The following AP3D1 variants were observed in gnomAD, a reference collection of about 807,000 sequenced individuals.
AP3D1 encodes adaptor related protein complex 3 subunit delta 1.
AP3D1 carries 51 observed loss-of-function variants against 147.6 expected under a neutral mutation model. The observed-to-expected ratio is 0.35, with a 90% confidence interval of 0.28 to 0.44. The LOEUF (loss-of-function observed/expected upper bound fraction) is 0.44. AP3D1 is among the 20% of genes least tolerant of loss of function. The probability of loss-of-function intolerance (pLI) is 1.00; values close to 1 mark genes in which losing one functional copy is unlikely to be tolerated. For synonymous variants in AP3D1, 760 were observed against 663.0 expected (o/e 1.15, Z -2.25); for missense variants, 1,421 against 1,624.2 (o/e 0.87, Z 2.15).
At chr19:2,113,127 C>T (rs990595222) in intron 23 of AP3D1, 160 bp from the exon 24 acceptor site, 1 of 634,198 alleles carries the variant, frequency 1.6e-6, no homozygotes, top group Non-Finnish European at 2.7e-6. Context: ...AGCACAGAGG[C>T]CCTGGCTGTC....
intron 1 of AP3D1, among the ~76,000 whole-genome samples, chr19:2,150,784 C>G (rs1238031997): frequency 1.3e-5 from 2 of 152,022 alleles, no homozygotes; most frequent in African/African-American, 2.4e-5. Flanking sequence ...GCCCGGGCCC[C>G]TGCATTTTTA....
chr19:2,148,090 T>C (rs2019407820), intron 1 of AP3D1, among the ~76,000 whole-genome samples: 1 of 140,300 alleles, frequency 7.1e-6, no homozygotes, highest in African/African-American at 2.7e-5. Flanking sequence ...CAGCTTGCAG[T>C]GAGCCCAGAT....
At chr19:2,129,247 G>A in intron 7 of AP3D1, 71 bp downstream of exon 7, 2 of 1,596,570 alleles carry the variant, frequency 1.3e-6, no homozygotes, top group Non-Finnish European at 1.7e-6. Context: ...TCACCCGCAG[G>A]GAATGCCCCA....
In AP3D1 at chr19:2,117,243, T is replaced by C; in HGVS notation, c.1838A>G (p.Lys613Arg). The change falls in exon 16 of 32, where the codon AAG (lysine) becomes AGG (arginine). Residue 613 changes from lysine (K) to arginine (R), a missense_variant. Physicochemically the swap from Lys to Arg is conservative, Grantham distance 26. This residue lies in a region of AP3D1 where 791 missense variants were observed against 761.4 expected (regional missense o/e 1.04). Transcript: ENST00000643116. ...ELNPVAPKAQ[K>R]KVPVPEGLDL... ...TTACCCTTCGGGGACTGGAACCTTCTTCTGGGCCTTGGGGGCCACTGGGTT... is the reference window on the plus strand; with the variant it reads ...TTACCCTTCGGGGACTGGAACCTTCCTCTGGGCCTTGGGGGCCACTGGGTT... 1 of 1,611,376 alleles carries C rather than the reference T, an allele frequency of 6.2e-7. No individual in the cohort carries two copies. Among genetic ancestry groups the C allele is most frequent in the South Asian group, 1.1e-5 (1 of 90,820 alleles).
intron 1 of AP3D1, among the ~76,000 whole-genome samples, chr19:2,162,032 A>AG (rs1423301749): frequency 7.0e-6 from 1 of 143,114 alleles, no homozygotes; most frequent in Non-Finnish European, 1.5e-5. Flanking sequence ...AAGCCCATTG[A>AG]GTTTTTTTTT....
chr19:2,162,227 G>A (rs994636777), intron 1 of AP3D1, among the ~76,000 whole-genome samples: 4 of 150,362 alleles, frequency 2.7e-5, no homozygotes, highest in East Asian at 2.0e-4. Context: ...TAGTAGAGAC[G>A]GGGTTTCACC....
chr19:2,127,603 C>T (rs1194836946), intron 8 of AP3D1, among the ~76,000 whole-genome samples: 8 of 152,214 alleles, frequency 5.3e-5, no homozygotes, highest in South Asian at 2.1e-4. Context: ...CGGCTCACTG[C>T]GACCTCCGCC....
intron 29 of AP3D1, 106 bp from the exon 30 acceptor site, chr19:2,109,313 C>G: frequency 7.0e-7 from 1 of 1,424,318 alleles, no homozygotes; most frequent in Non-Finnish European, 9.3e-7. Flanking sequence ...GGACACCCTC[C>G]TGTGTGTCTG....
At chr19:2,144,731 C>T (rs139569648) in intron 1 of AP3D1, among the ~76,000 whole-genome samples, 49 of 152,172 alleles carry the variant, frequency 3.2e-4, no homozygotes, top group African/African-American at 1.1e-3. Context: ...GGTGAAACAC[C>T]GTCTCCACTA....
intron 8 of AP3D1, among the ~76,000 whole-genome samples, chr19:2,128,591 G>A (rs1482740687): frequency 0.14 from 1,193 of 8,776 alleles, 329 homozygotes; most frequent in Non-Finnish European, 0.2. Flanking sequence ...GCCCGCCCCC[G>A]CCGCTCCGAC....
intron 24 of AP3D1, chr19:2,112,164 A>C: frequency 2.7e-6 from 1 of 369,566 alleles, no homozygotes; most frequent in Non-Finnish European, 5.1e-6. Flanking sequence ...GAACACACAC[A>C]TCCACGCGCA....
chr19:2,158,021 C>G (rs1435663157), intron 1 of AP3D1, among the ~76,000 whole-genome samples: 1 of 152,018 alleles, frequency 6.6e-6, no homozygotes, highest in African/African-American at 2.4e-5. Context: ...CCCACATGTG[C>G]TCTTTTTTTT....
At chr19:2,125,999 T>C (rs1289829481) in intron 9 of AP3D1, among the ~76,000 whole-genome samples, 5 of 151,922 alleles carry the variant, frequency 3.3e-5, no homozygotes, top group African/African-American at 1.2e-4. Context: ...ATTCAAAAAA[T>C]TACCTGGGTG....
At chr19:2,108,856 T>C (rs1208589651) in intron 30 of AP3D1, 90 bp from the exon 31 acceptor site, 6 of 1,433,934 alleles carry the variant, frequency 4.2e-6, no homozygotes, top group African/African-American at 1.4e-5. Context: ...TGGGCTGCCC[T>C]TGGCCACAGC....
chr19:2,106,163 G>A (rs2018106091), intron 31 of AP3D1, among the ~76,000 whole-genome samples: 1 of 152,144 alleles, frequency 6.6e-6, no homozygotes, highest in Non-Finnish European at 1.5e-5. Context: ...CACGGCAGCA[G>A]GCGGGAAACA....
chr19:2,164,369 G>A (rs1034259741), exon 1 of AP3D1: 2 of 744,808 alleles, frequency 2.7e-6, no homozygotes, highest in Non-Finnish European at 3.6e-6. Context: ...TCCCCCCTGC[G>A]GAACGGAGAC....
At chr19:2,105,825 G>A (rs2018095540) in intron 31 of AP3D1, among the ~76,000 whole-genome samples, 1 of 152,204 alleles carries the variant, frequency 6.6e-6, no homozygotes, top group Non-Finnish European at 1.5e-5. Context: ...GCCGGGCGCG[G>A]GGGCTCGTGC....
chr19:2,136,964 G>T, intron 4 of AP3D1, 47 bp downstream of exon 4: 1 of 1,516,268 alleles, frequency 6.6e-7, no homozygotes, highest in Non-Finnish European at 9.0e-7. Context: ...CTCCGGCAAG[G>T]GCAGACTGCA....
intron 1 of AP3D1, among the ~76,000 whole-genome samples, chr19:2,150,606 G>C (rs1383960840): frequency 6.6e-6 from 1 of 152,162 alleles, no homozygotes; most frequent in Non-Finnish European, 1.5e-5. Flanking sequence ...CCACCTTCCT[G>C]GGAACGGGGG....
Sources: gnomAD v4.1 joint callset for allele counts (sites outside exome capture counted in the v4.1 genomes callset) on GRCh38, gnomAD v4.1.1 for gene constraint, gnomAD v4.1.1 regional missense constraint, MANE v1.5 for transcripts, NCBI Gene and HGNC (gene_info 2026-07-23, HGNC 2026-07-21) for gene names.